The following DTNA variants were observed in gnomAD, a reference collection of about 807,000 sequenced individuals.
The protein encoded by DTNA is dystrobrevin alpha, also known as dystrophin-related protein 3.
Under a neutral mutation model 100.7 loss-of-function variants are expected in DTNA, and 43 were observed. The ratio of observed to expected loss-of-function variants is 0.43; its 90% CI spans 0.33 to 0.55. DTNA has a LOEUF of 0.55. Among genes scored for constraint, DTNA ranks in the 20% least tolerant of loss-of-function variants. DTNA has a pLI of 0.04. For synonymous variants in DTNA, 349 were observed against 347.9 expected, an observed-to-expected ratio of 1.00 and a Z score of -0.04; for missense variants, 798 against 953.9, an observed-to-expected ratio of 0.84 and a Z score of 2.15.
chr18:34,811,929 G>T lies in DTNA; in HGVS notation c.449-30G>T. 4 of 1,613,324 alleles carry T rather than the reference G, an allele frequency of 2.5e-6. No homozygotes were observed. The African/African-American group carries it at 5.3e-5, about 22-fold the overall frequency. On this transcript the variant is annotated intron_variant, in intron 5 of 22. Transcript: ENST00000444659. ...AAACAGTGGAGAATGTTCATGTGAT[G>T]AATAATATCTTTCCTTTTCCTTTCA...
At chr18:34,754,198 A>C (rs1239572205) in intron 1 of DTNA, among the ~76,000 whole-genome samples, 1 of 152,054 alleles carries the variant, frequency 6.6e-6, no homozygotes, top group East Asian at 1.9e-4. Flanking sequence ...AGGCTACTGG[A>C]CCAATTTGAT....
intron 1 of DTNA, among the ~76,000 whole-genome samples, chr18:34,597,150 G>C (rs1253960669): frequency 6.6e-6 from 1 of 152,082 alleles, no homozygotes; most frequent in East Asian, 1.9e-4. Flanking sequence ...ATGGTTTCCA[G>C]CTTCATCCAT....
intron 16 of DTNA, among the ~76,000 whole-genome samples, chr18:34,862,669 A>G (rs2096644286): frequency 6.6e-6 from 1 of 152,118 alleles, no homozygotes; most frequent in African/African-American, 2.4e-5. Flanking sequence ...GCATGGTGGC[A>G]CATGCCTGTA....
chr18:34,736,743 A>G (rs918392512), intron 1 of DTNA, among the ~76,000 whole-genome samples: 7 of 152,210 alleles, frequency 4.6e-5, no homozygotes, highest in Admixed American at 1.3e-4. Flanking sequence ...TTCATAGTAC[A>G]TTTTGGCCAA....
intron 1 of DTNA, among the ~76,000 whole-genome samples, chr18:34,595,751 T>TA (rs2050468741): frequency 6.6e-6 from 1 of 152,102 alleles, no homozygotes; most frequent in Non-Finnish European, 1.5e-5. Flanking sequence ...ATCGTAAGAG[T>TA]AAGTTGAGAT....
chr18:34,692,294 T>C (rs1284180659), intron 1 of DTNA, among the ~76,000 whole-genome samples: 1 of 152,238 alleles, frequency 6.6e-6, no homozygotes, highest in African/African-American at 2.4e-5. Flanking sequence ...TCCGTGGCAC[T>C]CTGTGCCAAG....
At chr18:34,804,589 T>G (rs2095312587) in intron 4 of DTNA, among the ~76,000 whole-genome samples, 1 of 152,164 alleles carries the variant, frequency 6.6e-6, no homozygotes, top group Non-Finnish European at 1.5e-5. Context: ...AACTCAGGAT[T>G]CATTTTCAGG....
chr18:34,500,384 A>T lies in DTNA; in HGVS notation c.-2+6870A>T, dbSNP rs988877029. ...TGAAATTTAATTGATTTTTATGTTT[A>T]TCTAGTATCCTGGGAACTCCTGAAC... On this transcript the variant is annotated intron_variant, in intron 1 of 19. Coordinates refer to the DTNA transcript ENST00000283365. Among the ~76,000 whole-genome samples the T allele has an allele frequency of 4.0e-5, 6 of 150,238 alleles. No homozygotes were observed. The East Asian group carries it at 1.2e-3, about 29-fold the overall frequency.
intron 1 of DTNA, among the ~76,000 whole-genome samples, chr18:34,737,430 C>A (rs868490925): frequency 6.6e-6 from 1 of 152,128 alleles, no homozygotes; most frequent in Non-Finnish European, 1.5e-5. Flanking sequence ...ATATTTGAAG[C>A]CATAAGGCTA....
At chr18:34,616,848 G>T (rs918496416) in intron 1 of DTNA, among the ~76,000 whole-genome samples, 4 of 152,000 alleles carry the variant, frequency 2.6e-5, no homozygotes, top group African/African-American at 9.7e-5. Flanking sequence ...CACCTCCCTG[G>T]CTAGCTGTAT....
At chr18:34,494,939 G>A (rs939837066) in intron 1 of DTNA, among the ~76,000 whole-genome samples, 2 of 151,828 alleles carry the variant, frequency 1.3e-5, no homozygotes, top group Non-Finnish European at 2.9e-5. Flanking sequence ...TAGGAAAAAA[G>A]TGTTCCACAT....
At chr18:34,522,598 A>G (rs753563362) in intron 1 of DTNA, among the ~76,000 whole-genome samples, 4 of 152,136 alleles carry the variant, frequency 2.6e-5, no homozygotes, top group Non-Finnish European at 5.9e-5. Context: ...ATGTTAACTG[A>G]TGCCTGATAT....
intron 3 of DTNA, among the ~76,000 whole-genome samples, chr18:34,778,479 T>C (rs1315646097): frequency 2.6e-5 from 4 of 152,216 alleles, no homozygotes; most frequent in African/African-American, 9.7e-5. Context: ...ACCATTTAAC[T>C]GTATGGTTCA....
At chr18:34,585,974 C>T (rs985825793) in intron 1 of DTNA, among the ~76,000 whole-genome samples, 1 of 152,144 alleles carries the variant, frequency 6.6e-6, no homozygotes, top group Admixed American at 6.5e-5. Flanking sequence ...AGCAGTGCTT[C>T]CCAGGTTCAT....
intron 1 of DTNA, among the ~76,000 whole-genome samples, chr18:34,753,728 ATCCAGGAAC>A (rs924238063): frequency 2.0e-5 from 3 of 152,130 alleles, no homozygotes; most frequent in African/African-American, 7.2e-5. Context: ...TAACACACAG[ATCCAGGAAC>A]ACATCACTTG....
intron 1 of DTNA, among the ~76,000 whole-genome samples, chr18:34,548,663 C>T (rs2045065529): frequency 6.6e-6 from 1 of 152,026 alleles, no homozygotes; most frequent in Non-Finnish European, 1.5e-5. Context: ...CTTTGATTAG[C>T]CTCCTAACCA....
chr18:34,807,027 G>T (rs962498603), intron 5 of DTNA, among the ~76,000 whole-genome samples: 1 of 152,120 alleles, frequency 6.6e-6, no homozygotes, highest in African/African-American at 2.4e-5. Flanking sequence ...TACACAGGTG[G>T]TTCACAAATT....
chr18:34,578,238 T>C (rs567177488), intron 1 of DTNA, among the ~76,000 whole-genome samples: 1 of 152,300 alleles, frequency 6.6e-6, no homozygotes, highest in African/African-American at 2.4e-5. Context: ...ATGTTGAGCA[T>C]TTTTACATAT....
intron 17 of DTNA, chr18:34,868,327 C>A: frequency 3.0e-6 from 1 of 334,450 alleles, no homozygotes; most frequent in Non-Finnish European, 4.3e-6. Flanking sequence ...TTTCATGTGG[C>A]TGTTTCTTAT....
Sources: gnomAD v4.1 joint callset for allele counts (sites outside exome capture counted in the v4.1 genomes callset) on GRCh38, gnomAD v4.1.1 for gene constraint, MANE v1.5 for transcripts, NCBI Gene and HGNC (gene_info 2026-07-23, HGNC 2026-07-21) for gene names.